The following EPHA3 variants were observed in gnomAD, a reference collection of about 807,000 sequenced individuals.
EPHA3 encodes the protein EPH receptor A3.
In EPHA3, 42 loss-of-function variants were observed where a neutral mutation model predicts 107.1. The observed-to-expected ratio is 0.39, with a 90% CI of 0.31 to 0.51. The LOEUF is 0.51. EPHA3 is among the 20% of genes least tolerant of loss of function. The probability of loss-of-function intolerance (pLI) is 0.78; values close to 1 mark genes in which losing one functional copy is unlikely to be tolerated. For synonymous variants in EPHA3, 461 were observed against 424.8 expected (o/e 1.09, Z -1.05); for missense variants, 1,183 against 1,211.2 (o/e 0.98, Z 0.35).
intron 3 of EPHA3, among the ~76,000 whole-genome samples, chr3:89,264,041 A>T (rs1184429872): frequency 2.6e-5 from 4 of 152,116 alleles, no homozygotes; most frequent in Non-Finnish European, 4.4e-5. Context: ...CAACATTCCC[A>T]AAAGTCTTAA....
intron 2 of EPHA3, among the ~76,000 whole-genome samples, chr3:89,199,338 T>C (rs976722317): frequency 3.9e-5 from 6 of 152,192 alleles, no homozygotes; most frequent in African/African-American, 1.4e-4. Flanking sequence ...TAAGTAAACA[T>C]ATTTCACCAT....
At chr3:89,477,298 T>C (rs959037974) in intron 16 of EPHA3, among the ~76,000 whole-genome samples, 1 of 152,082 alleles carries the variant, frequency 6.6e-6, no homozygotes, top group African/African-American at 2.4e-5. Context: ...TATGATCAGA[T>C]AGGGCCTAAG....
At chr3:89,448,961 T>C (rs1040820741) in intron 13 of EPHA3, among the ~76,000 whole-genome samples, 2 of 152,042 alleles carry the variant, frequency 1.3e-5, no homozygotes, top group Non-Finnish European at 2.9e-5. Flanking sequence ...ATAGTTGATA[T>C]AAAATGTCAA....
chr3:89,273,078 A>G (rs961061274), intron 3 of EPHA3, among the ~76,000 whole-genome samples: 5 of 151,972 alleles, frequency 3.3e-5, no homozygotes, highest in African/African-American at 1.2e-4. Context: ...TGATGGGAAG[A>G]TAAATTTTCA....
intron 16 of EPHA3, 29 bp downstream of exon 16, chr3:89,472,648 T>G (rs760691209): frequency 6.3e-7 from 1 of 1,595,698 alleles, no homozygotes; most frequent in East Asian, 2.2e-5. Context: ...TTAAGAAGAA[T>G]GAAGGATTCT....
chr3:89,378,984 A>C (rs1393782687), intron 5 of EPHA3, among the ~76,000 whole-genome samples: 1 of 152,286 alleles, frequency 6.6e-6, no homozygotes, highest in African/African-American at 2.4e-5. Flanking sequence ...ATCGCTCCAA[A>C]ATTTATGGCT....
chr3:89,398,464 A>G (rs1219973535), intron 6 of EPHA3, among the ~76,000 whole-genome samples: 1 of 152,140 alleles, frequency 6.6e-6, no homozygotes, highest in African/African-American at 2.4e-5. Flanking sequence ...TGATCTGGAG[A>G]TTTTTGTCTC....
chr3:89,342,226 C>T (rs905055931), intron 5 of EPHA3, 136 bp downstream of exon 5: 21 of 655,744 alleles, frequency 3.2e-5, no homozygotes, highest in South Asian at 1.8e-4. Context: ...CACATTTAAA[C>T]AGTTATGGCA....
intron 3 of EPHA3, among the ~76,000 whole-genome samples, chr3:89,340,079 G>A (rs1387084748): frequency 6.6e-6 from 1 of 152,120 alleles, no homozygotes; most frequent in Non-Finnish European, 1.5e-5. Flanking sequence ...TATAGTAGAG[G>A]CAGTTTTAGG....
intron 3 of EPHA3, among the ~76,000 whole-genome samples, chr3:89,284,297 G>A (rs1433024819): frequency 2.6e-5 from 4 of 152,012 alleles, no homozygotes; most frequent in Non-Finnish European, 5.9e-5. Context: ...AGAGTGACTG[G>A]AGTGATTAGT....
intron 3 of EPHA3, among the ~76,000 whole-genome samples, chr3:89,212,282 T>G (rs991265677): frequency 6.6e-6 from 1 of 152,052 alleles, no homozygotes; most frequent in African/African-American, 2.4e-5. Context: ...ATTTGGACCA[T>G]GTTTCTGGGA....
chr3:89,434,386 T>G (rs1349655134), intron 13 of EPHA3, among the ~76,000 whole-genome samples: 5 of 152,086 alleles, frequency 3.3e-5, no homozygotes, highest in Non-Finnish European at 7.4e-5. Context: ...CCTGGCTAAT[T>G]TTTGTATTTT....
At chr3:89,470,798 C>A (rs1002055170) in intron 15 of EPHA3, among the ~76,000 whole-genome samples, 1 of 152,148 alleles carries the variant, frequency 6.6e-6, no homozygotes, top group African/African-American at 2.4e-5. Flanking sequence ...GCCAGCTCTG[C>A]CTCTTTTGCC....
At chr3:89,276,487 T>A (rs542137542) in intron 3 of EPHA3, among the ~76,000 whole-genome samples, 1 of 152,120 alleles carries the variant, frequency 6.6e-6, no homozygotes, top group Non-Finnish European at 1.5e-5. Context: ...GTGCTCCTAA[T>A]TGAAGTTCTG....
At chr3:89,121,006 G>A (rs1231600412) in intron 1 of EPHA3, among the ~76,000 whole-genome samples, 4 of 151,760 alleles carry the variant, frequency 2.6e-5, no homozygotes, top group South Asian at 2.1e-4. Flanking sequence ...TTGGGAGGCC[G>A]AGGCCGGCGG....
At chr3:89,396,395 T>A (rs373653287) in intron 6 of EPHA3, among the ~76,000 whole-genome samples, 2 of 152,162 alleles carry the variant, frequency 1.3e-5, no homozygotes, top group South Asian at 4.1e-4. Context: ...AGAAAAATAT[T>A]GTATTATTTA....
At chr3:89,286,105 A>G (rs1378960489) in intron 3 of EPHA3, among the ~76,000 whole-genome samples, 3 of 145,842 alleles carry the variant, frequency 2.1e-5, no homozygotes, top group Non-Finnish European at 4.5e-5. Flanking sequence ...TTAAACTAGG[A>G]GGATCAATTT....
chr3:89,429,876 G>T (rs1490538348), intron 12 of EPHA3, among the ~76,000 whole-genome samples: 1 of 152,038 alleles, frequency 6.6e-6, no homozygotes, highest in Non-Finnish European at 1.5e-5. Flanking sequence ...TGATTTTCCT[G>T]CCTCAGCCTT....
chr3:89,111,355 A>C lies in EPHA3; in HGVS notation c.88+3519A>C, dbSNP rs370348940. Among the ~76,000 whole-genome samples, 19 of 152,218 alleles carry C rather than the reference A, an allele frequency of 1.2e-4. No individual in the cohort carries two copies. In the East Asian group the frequency reaches 2.9e-3, roughly 23 times the overall value. On this transcript the variant is annotated intron_variant, in intron 1 of 16. Coordinates refer to ENST00000336596, the MANE Select transcript of EPHA3 (RefSeq NM_005233.6). Reference sequence around the variant, plus strand: ...CACACTGTGATTAAAACATTAATAGAGAACTAAGCTATCATATCATCTTTA... The same window carrying C: ...CACACTGTGATTAAAACATTAATAGCGAACTAAGCTATCATATCATCTTTA...
Sources: allele counts gnomAD v4.1 joint callset (sites outside exome capture counted in the v4.1 genomes callset), GRCh38; gene constraint gnomAD v4.1.1; transcripts MANE v1.5; gene names NCBI Gene and HGNC (gene_info 2026-07-23, HGNC 2026-07-21).